The following GSK3B variants were observed in gnomAD, a reference collection of about 807,000 sequenced individuals.
GSK3B encodes glycogen synthase kinase-3 beta.
A neutral mutation model predicts 56.4 loss-of-function variants in GSK3B; 15 were observed. That is an observed-to-expected ratio of 0.27 (90% CI 0.18 to 0.41). GSK3B has a LOEUF of 0.41. Ranked by LOEUF, GSK3B falls within the 10% of genes least tolerant of loss-of-function variation. The pLI is 1.00. For missense variants in GSK3B, 300 were observed against 513.4 expected (o/e 0.58, Z 4.02); for synonymous variants, 181 against 188.9 (o/e 0.96, Z 0.34).
chr3:119,910,476 C>A (rs1559832731), intron 6 of GSK3B, among the ~76,000 whole-genome samples: 1 of 151,422 alleles, frequency 6.6e-6, no homozygotes, highest in Non-Finnish European at 1.5e-5. Flanking sequence ...CACTTTATTA[C>A]TAAAAAAAAA....
At chr3:119,904,761 AT>A (rs2056665046) in intron 7 of GSK3B, among the ~76,000 whole-genome samples, 1 of 152,116 alleles carries the variant, frequency 6.6e-6, no homozygotes, top group African/African-American at 2.4e-5. Flanking sequence ...CTAGAAAACC[AT>A]TTGTTAGGAA....
intron 1 of GSK3B, among the ~76,000 whole-genome samples, chr3:120,056,632 C>G (rs2107547865): frequency 6.6e-6 from 1 of 152,190 alleles, no homozygotes; most frequent in East Asian, 1.9e-4. Flanking sequence ...AGCCACTGTG[C>G]CTGACCAGAG....
chr3:120,065,587 T>G (rs962392212), intron 1 of GSK3B, among the ~76,000 whole-genome samples: 3 of 152,128 alleles, frequency 2.0e-5, no homozygotes, highest in African/African-American at 7.2e-5. Context: ...AAACACCATA[T>G]GACCCTGCAA....
chr3:120,063,078 T>C (rs1209460964), intron 1 of GSK3B, among the ~76,000 whole-genome samples: 1 of 152,216 alleles, frequency 6.6e-6, no homozygotes, highest in African/African-American at 2.4e-5. Context: ...ATGCTATGTT[T>C]AAAAAATTAA....
At chr3:120,045,300 C>T (rs2058093820) in intron 1 of GSK3B, among the ~76,000 whole-genome samples, 1 of 152,138 alleles carries the variant, frequency 6.6e-6, no homozygotes, top group Non-Finnish European at 1.5e-5. Context: ...GTTCTTTGTT[C>T]TCAAACTCAA....
intron 9 of GSK3B, among the ~76,000 whole-genome samples, chr3:119,848,440 T>A (rs188803652): frequency 1.1e-4 from 16 of 152,218 alleles, no homozygotes; most frequent in Admixed American, 5.9e-4. Flanking sequence ...TAAATTAAGG[T>A]ATAATTTATG....
intron 1 of GSK3B, among the ~76,000 whole-genome samples, chr3:120,052,072 T>C (rs562000157): frequency 6.6e-6 from 1 of 152,204 alleles, no homozygotes; most frequent in Non-Finnish European, 1.5e-5. Context: ...TAAATGTGCC[T>C]CTTCTTTATA....
chr3:120,046,925 T>G (rs984125831), intron 1 of GSK3B, among the ~76,000 whole-genome samples: 1 of 152,192 alleles, frequency 6.6e-6, no homozygotes, highest in Non-Finnish European at 1.5e-5. Flanking sequence ...CTTTTAATTT[T>G]AGACTAGACC....
intron 6 of GSK3B, among the ~76,000 whole-genome samples, chr3:119,911,916 T>C (rs780531638): frequency 6.6e-6 from 1 of 152,180 alleles, no homozygotes; most frequent in African/African-American, 2.4e-5. Flanking sequence ...ACTAAAACTT[T>C]CCCTGTAACA....
rs571916356 is a variant in GSK3B at position 120,076,423 on chromosome 3, G to A, written c.88+16924C>T. ...AAATAAAAAGACAACCTACAGACTG[G>A]GAAAACATTTTGGCAAACCATATAT... On this transcript the variant is annotated intron_variant, in intron 1 of 10. Coordinates refer to ENST00000264235, the MANE Select transcript of GSK3B (RefSeq NM_001146156.2). Among the ~76,000 whole-genome samples the A allele has an allele frequency of 3.3e-5, 5 of 152,228 alleles. No homozygotes were observed. In the East Asian group the frequency reaches 7.7e-4, roughly 24 times the overall value.
At chr3:120,009,694 TG>T (rs2057762392) in intron 1 of GSK3B, among the ~76,000 whole-genome samples, 1 of 149,862 alleles carries the variant, frequency 6.7e-6, no homozygotes, top group South Asian at 2.1e-4. Context: ...CTGTGGGGGG[TG>T]GGGGGCTAGG....
At chr3:120,048,739 A>G (rs564048121) in intron 1 of GSK3B, among the ~76,000 whole-genome samples, 61 of 152,310 alleles carry the variant, frequency 4.0e-4, no homozygotes, top group African/African-American at 1.2e-3. Flanking sequence ...CAGTTAAGAA[A>G]AGGTATGGAT....
chr3:119,953,691 T>C (rs574076022), intron 2 of GSK3B, among the ~76,000 whole-genome samples: 25 of 152,284 alleles, frequency 1.6e-4, no homozygotes, highest in Admixed American at 5.9e-4. Flanking sequence ...CCTGAATATA[T>C]TGTTTCATTC....
chr3:120,035,442 T>C (rs776510666), intron 1 of GSK3B, among the ~76,000 whole-genome samples: 10 of 152,216 alleles, frequency 6.6e-5, no homozygotes, highest in Non-Finnish European at 1.2e-4. Flanking sequence ...TAATACAGGA[T>C]CCCTTGTATT....
chr3:119,962,130 C>T (rs2057277938), intron 2 of GSK3B, among the ~76,000 whole-genome samples: 1 of 152,172 alleles, frequency 6.6e-6, no homozygotes, highest in South Asian at 2.1e-4. Flanking sequence ...AATCTCAGCA[C>T]TTTGGGAGGC....
At chr3:120,046,786 T>C (rs1389349598) in intron 1 of GSK3B, among the ~76,000 whole-genome samples, 1 of 152,084 alleles carries the variant, frequency 6.6e-6, no homozygotes, top group Non-Finnish European at 1.5e-5. Context: ...TTTTTTTGTA[T>C]ATTTAGTAGA....
chr3:119,865,088 G>A (rs1404076943), intron 8 of GSK3B, among the ~76,000 whole-genome samples: 2 of 151,908 alleles, frequency 1.3e-5, no homozygotes, highest in Admixed American at 1.3e-4. Flanking sequence ...TTGCTCCCAA[G>A]GTCCATAATC....
At chr3:120,037,524 A>G (rs2058032983) in intron 1 of GSK3B, among the ~76,000 whole-genome samples, 1 of 152,208 alleles carries the variant, frequency 6.6e-6, no homozygotes, top group Admixed American at 6.5e-5. Context: ...GCAAGCCGGT[A>G]GTGTGTAATA....
intron 1 of GSK3B, among the ~76,000 whole-genome samples, chr3:120,030,589 G>A (rs893679865): frequency 1.3e-5 from 2 of 152,072 alleles, no homozygotes; most frequent in African/African-American, 2.4e-5. Flanking sequence ...AAAGCATTTT[G>A]CCACCTCAGG....
Sources: gnomAD v4.1 joint callset for allele counts (sites outside exome capture counted in the v4.1 genomes callset) on GRCh38, gnomAD v4.1.1 for gene constraint, MANE v1.5 for transcripts, NCBI Gene and HGNC (gene_info 2026-07-23, HGNC 2026-07-21) for gene names.